SEMA5A: variants seen among roughly 807,000 people sequenced by gnomAD.
SEMA5A encodes semaphorin 5A.
A neutral mutation model predicts 135.5 loss-of-function variants in SEMA5A; 55 were observed. The ratio of observed to expected loss-of-function variants is 0.41; its 90% CI spans 0.33 to 0.51. The LOEUF (loss-of-function observed/expected upper bound fraction) is 0.51, where lower values mean the gene tolerates loss of function less well. Ranked by LOEUF, SEMA5A falls within the 20% of genes least tolerant of loss-of-function variation. SEMA5A has a pLI of 0.37. For missense variants in SEMA5A, 1,290 were observed against 1,419.9 expected (o/e 0.91, Z 1.47); for synonymous variants, 580 against 546.5 (o/e 1.06, Z -0.85).
chr5:9,202,295 GGT>G lies in SEMA5A; in HGVS notation c.647-57_647-56del, dbSNP rs1180585722. 3 of 1,565,306 alleles carry G rather than the reference GGT, an allele frequency of 1.9e-6. No individual in the cohort carries two copies. The African/African-American group carries it at 4.1e-5, about 21-fold the overall frequency. On this transcript the variant is annotated intron_variant, in intron 8 of 22. Transcript: ENST00000382496. ...CTCAACATTCATGTCATTCCCTTTT[GGT>G]CTTGCCTGCTCAGTATTTCATCCAA...
intron 2 of SEMA5A, among the ~76,000 whole-genome samples, chr5:9,416,295 C>T (rs1757281526): frequency 6.6e-6 from 1 of 152,138 alleles, no homozygotes; most frequent in Admixed American, 6.5e-5. Context: ...GGTGGGAGGT[C>T]AGGGAAGATA....
intron 2 of SEMA5A, among the ~76,000 whole-genome samples, chr5:9,391,819 T>A (rs956449198): frequency 7.2e-5 from 11 of 152,148 alleles, no homozygotes; most frequent in Non-Finnish European, 1.0e-4. Flanking sequence ...GATTAAGTAA[T>A]TTTTCCCTGT....
At chr5:9,210,775 C>T (rs1192001455) in intron 8 of SEMA5A, among the ~76,000 whole-genome samples, 1 of 152,122 alleles carries the variant, frequency 6.6e-6, no homozygotes, top group East Asian at 1.9e-4. Flanking sequence ...AATGCAATCT[C>T]CCTTAAGAGG....
intron 5 of SEMA5A, among the ~76,000 whole-genome samples, chr5:9,251,062 C>A (rs1424189664): frequency 6.6e-6 from 1 of 152,028 alleles, no homozygotes; most frequent in Admixed American, 6.6e-5. Context: ...GGGACTAATG[C>A]CATTGTCTCA....
chr5:9,073,590 T>C (rs965948241), intron 16 of SEMA5A, among the ~76,000 whole-genome samples: 1 of 152,102 alleles, frequency 6.6e-6, no homozygotes, highest in Non-Finnish European at 1.5e-5. Flanking sequence ...AAGATTATCC[T>C]GGAAGTTCTA....
At chr5:9,431,503 C>T (rs534979413) in intron 2 of SEMA5A, among the ~76,000 whole-genome samples, 9 of 152,216 alleles carry the variant, frequency 5.9e-5, no homozygotes, top group South Asian at 2.1e-4. Flanking sequence ...TTTGTGGCCT[C>T]GGAGGCTCAA....
chr5:9,213,030 C>T (rs1746423215), intron 8 of SEMA5A, among the ~76,000 whole-genome samples: 1 of 152,180 alleles, frequency 6.6e-6, no homozygotes, highest in Admixed American at 6.5e-5. Context: ...CTTTCTGGTT[C>T]CTAGCCGGCA....
rs368924752 is a variant in SEMA5A, at chr5:9,318,436, G to C, written c.225-19C>G. ...GTAGTTTCTGCAAAATACAAAAACA[G>C]AGCAGTTTTATTTTTAATAGATCAC... is the stretch of plus-strand genomic sequence containing the variant. On this transcript the variant is annotated intron_variant, in intron 4 of 22. Coordinates refer to ENST00000382496, the MANE Select transcript of SEMA5A (RefSeq NM_003966.3). The C allele has an allele frequency of 6.2e-7, 1 of 1,602,498 alleles. No individual in the cohort carries two copies. The highest frequency in any genetic ancestry group is 1.3e-5 in the African/African-American group (1 of 74,550).
chr5:9,330,142 T>A (rs918406688), intron 4 of SEMA5A, among the ~76,000 whole-genome samples: 6 of 150,028 alleles, frequency 4.0e-5, no homozygotes, highest in African/African-American at 1.5e-4. Flanking sequence ...AAAAAAAAAA[T>A]ACAGATGGGA....
At chr5:9,071,974 C>G (rs962317934) in intron 16 of SEMA5A, among the ~76,000 whole-genome samples, 36 of 152,126 alleles carry the variant, frequency 2.4e-4, no homozygotes, top group Admixed American at 2.6e-4. Flanking sequence ...GCAAACAGAA[C>G]AAAGATTGAC....
chr5:9,375,496 G>A (rs547183436), intron 3 of SEMA5A, among the ~76,000 whole-genome samples: 2 of 151,548 alleles, frequency 1.3e-5, no homozygotes, highest in South Asian at 2.1e-4. Context: ...GCAGAGATCG[G>A]TTCTTCTCTA....
At chr5:9,136,735 G>T in intron 12 of SEMA5A, 114 bp from the exon 13 acceptor site, 1 of 801,746 alleles carries the variant, frequency 1.2e-6, no homozygotes, top group Non-Finnish European at 2.2e-6. Flanking sequence ...TACATATGAA[G>T]CCCAATGGGT....
chr5:9,176,780 G>A (rs3797934), intron 11 of SEMA5A, among the ~76,000 whole-genome samples: 15,363 of 152,016 alleles, frequency 0.1, 1,283 homozygotes, highest in African/African-American at 0.21. Flanking sequence ...CAGCTGACCA[G>A]CAGCCTCAGA....
intron 16 of SEMA5A, among the ~76,000 whole-genome samples, chr5:9,067,141 C>G (rs533649424): frequency 2.0e-5 from 3 of 152,140 alleles, no homozygotes; most frequent in African/African-American, 7.2e-5. Context: ...ACTTTTTTTA[C>G]GTATAAGGTT....
chr5:9,474,880 C>A (rs1322372843), intron 1 of SEMA5A, among the ~76,000 whole-genome samples: 1 of 152,184 alleles, frequency 6.6e-6, no homozygotes, highest in Non-Finnish European at 1.5e-5. Context: ...TCTGGGACTT[C>A]ACGTGTTGGA....
chr5:9,486,150 C>A (rs1457474988), intron 1 of SEMA5A, among the ~76,000 whole-genome samples: 1 of 151,998 alleles, frequency 6.6e-6, no homozygotes, highest in Non-Finnish European at 1.5e-5. Context: ...AGCCATCATC[C>A]TCAACAAACA....
At chr5:9,225,061 A>G (rs572927741) in intron 7 of SEMA5A, among the ~76,000 whole-genome samples, 174 bp from the exon 8 acceptor site, 1 of 152,286 alleles carries the variant, frequency 6.6e-6, no homozygotes, top group East Asian at 1.9e-4. Flanking sequence ...TACTCTGCTC[A>G]TGGTAAGACA....
chr5:9,505,749 A>G (rs1735848603), intron 1 of SEMA5A, among the ~76,000 whole-genome samples: 1 of 152,242 alleles, frequency 6.6e-6, no homozygotes, highest in Admixed American at 6.5e-5. Context: ...AGCTAAGTCA[A>G]TGATTTATTT....
At chr5:9,105,012 G>A (rs1013486411) in intron 16 of SEMA5A, among the ~76,000 whole-genome samples, 1 of 152,170 alleles carries the variant, frequency 6.6e-6, no homozygotes, top group African/African-American at 2.4e-5. Context: ...CAATTTCAGG[G>A]TCTGGCCCTG....
Sources: allele counts gnomAD v4.1 joint callset (sites outside exome capture counted in the v4.1 genomes callset), GRCh38; gene constraint gnomAD v4.1.1; transcripts MANE v1.5; gene names NCBI Gene and HGNC (gene_info 2026-07-23, HGNC 2026-07-21).